CNTNAP5: variants seen among roughly 807,000 people sequenced by gnomAD.
CNTNAP5 encodes contactin associated protein family member 5.
CNTNAP5 carries 72 observed loss-of-function variants against 150.2 expected under a neutral mutation model. That is an observed-to-expected ratio of 0.48 (90% CI 0.40 to 0.58). The LOEUF is 0.58. CNTNAP5 is among the 20% of genes least tolerant of loss of function. CNTNAP5 has a pLI of 0.00. For synonymous variants in CNTNAP5, 672 were observed against 619.8 expected (o/e 1.08, Z -1.25); for missense variants, 1,636 against 1,626.2 (o/e 1.01, Z -0.10).
intron 14 of CNTNAP5, among the ~76,000 whole-genome samples, chr2:124,749,996 GT>G (rs540007565): frequency 7.6e-4 from 116 of 152,192 alleles, no homozygotes; most frequent in Middle Eastern, 6.8e-3. Flanking sequence ...CTTGCTCAAT[GT>G]TTCACTCTGA....
At chr2:124,171,519 C>G (rs1339758858) in intron 1 of CNTNAP5, among the ~76,000 whole-genome samples, 2 of 152,172 alleles carry the variant, frequency 1.3e-5, no homozygotes, top group African/African-American at 4.8e-5. Context: ...CAGCCATCAC[C>G]AGAGTCCTTG....
At chr2:124,191,686 C>G (rs931463846) in intron 1 of CNTNAP5, among the ~76,000 whole-genome samples, 1 of 152,016 alleles carries the variant, frequency 6.6e-6, no homozygotes, top group African/African-American at 2.4e-5. Flanking sequence ...GAGGCCCAGG[C>G]AGGTGGATCA....
chr2:124,479,812 C>T (rs939434901), intron 7 of CNTNAP5, among the ~76,000 whole-genome samples: 1 of 152,134 alleles, frequency 6.6e-6, no homozygotes, highest in Non-Finnish European at 1.5e-5. Flanking sequence ...TGTTCATCCC[C>T]ACTCCATGGC....
chr2:124,452,725 C>T (rs1693017091), intron 6 of CNTNAP5, among the ~76,000 whole-genome samples: 2 of 152,256 alleles, frequency 1.3e-5, no homozygotes, highest in Admixed American at 6.5e-5. Context: ...CCCGCAGTAC[C>T]AGCACAGAGC....
chr2:124,630,116 T>C (rs1275077823), intron 12 of CNTNAP5, among the ~76,000 whole-genome samples: 4 of 151,490 alleles, frequency 2.6e-5, no homozygotes, highest in South Asian at 4.2e-4. Flanking sequence ...CAAGTCCAGA[T>C]AGATTTATAG....
intron 13 of CNTNAP5, among the ~76,000 whole-genome samples, chr2:124,674,509 CTCTTTCTTTCTTTCTTTCTTTCTT>C (rs768888927): frequency 1.7e-5 from 2 of 115,366 alleles, no homozygotes; most frequent in African/African-American, 6.3e-5. Context: ...TTCTTTCTTT[CTCTTTCTTTCTTTCTTTCTTTCTT>C]TCTTTCTTTC....
intron 10 of CNTNAP5, among the ~76,000 whole-genome samples, chr2:124,536,769 G>C (rs1003571539): frequency 4.6e-5 from 7 of 152,062 alleles, no homozygotes; most frequent in Non-Finnish European, 1.0e-4. Flanking sequence ...TTGGATTTAC[G>C]GGGGTCAAGG....
At chr2:124,036,148 T>A (rs1681212693) in intron 1 of CNTNAP5, among the ~76,000 whole-genome samples, 1 of 151,430 alleles carries the variant, frequency 6.6e-6, no homozygotes, top group Non-Finnish European at 1.5e-5. Flanking sequence ...ATGGTCTCGA[T>A]CTCCTGACCT....
intron 13 of CNTNAP5, among the ~76,000 whole-genome samples, chr2:124,721,540 GA>G (rs922174374): frequency 1.9e-4 from 25 of 132,010 alleles, no homozygotes; most frequent in East Asian, 4.6e-4. Flanking sequence ...AAACAAAAAA[GA>G]AAAAAAATTA....
At chr2:124,533,439 T>C (rs890163051) in intron 10 of CNTNAP5, among the ~76,000 whole-genome samples, 4 of 152,206 alleles carry the variant, frequency 2.6e-5, no homozygotes, top group Non-Finnish European at 5.9e-5. Context: ...GCTGGCCTGG[T>C]GGCCGTACTC....
At chr2:124,076,094 G>A (rs986042477) in intron 1 of CNTNAP5, among the ~76,000 whole-genome samples, 1 of 152,132 alleles carries the variant, frequency 6.6e-6, no homozygotes, top group African/African-American at 2.4e-5. Context: ...TATGTATTAA[G>A]TGGTAAAGGC....
At chr2:124,695,808 C>T (rs1410326058) in intron 13 of CNTNAP5, among the ~76,000 whole-genome samples, 1 of 152,168 alleles carries the variant, frequency 6.6e-6, no homozygotes, top group Non-Finnish European at 1.5e-5. Flanking sequence ...AGAAGCATCA[C>T]TCTGTTGTCT....
At chr2:124,602,755 A>C (rs1364546722) in intron 11 of CNTNAP5, among the ~76,000 whole-genome samples, 1 of 152,158 alleles carries the variant, frequency 6.6e-6, no homozygotes, top group Non-Finnish European at 1.5e-5. Context: ...AGCCTCCCAA[A>C]ATGTTGGAAT....
At chr2:124,386,070 G>A (rs1309533384) in intron 3 of CNTNAP5, among the ~76,000 whole-genome samples, 1 of 152,154 alleles carries the variant, frequency 6.6e-6, no homozygotes, top group Admixed American at 6.5e-5. Flanking sequence ...TGTACAGTCA[G>A]TTAACCTTGT....
At chr2:124,507,677 A>G (rs575702714) in intron 8 of CNTNAP5, among the ~76,000 whole-genome samples, 7 of 152,344 alleles carry the variant, frequency 4.6e-5, no homozygotes, top group African/African-American at 1.7e-4. Context: ...CGATCCATAC[A>G]AGGGAGAGCC....
At chr2:124,542,725 T>C (rs1695416185) in intron 10 of CNTNAP5, among the ~76,000 whole-genome samples, 1 of 152,184 alleles carries the variant, frequency 6.6e-6, no homozygotes, top group Non-Finnish European at 1.5e-5. Flanking sequence ...ACCATAGTCA[T>C]GACTGGTTTT....
chr2:124,306,564 G>A (rs556788752), intron 3 of CNTNAP5, among the ~76,000 whole-genome samples: 1 of 152,218 alleles, frequency 6.6e-6, no homozygotes, highest in East Asian at 1.9e-4. Flanking sequence ...CACACAGATG[G>A]CATGAGCTAA....
chr2:124,875,343 A>G (rs1274240018), intron 21 of CNTNAP5, among the ~76,000 whole-genome samples: 4 of 151,996 alleles, frequency 2.6e-5, no homozygotes, highest in Non-Finnish European at 1.5e-5. Context: ...TTCCTTTTTG[A>G]TTTTGGACAC....
intron 1 of CNTNAP5, among the ~76,000 whole-genome samples, chr2:124,050,517 TAGAAAG>T (rs1226830066): frequency 6.6e-6 from 1 of 152,004 alleles, no homozygotes; most frequent in Non-Finnish European, 1.5e-5. Context: ...AGCAAGATCT[TAGAAAG>T]AGAAAGGAAG....
Sources: allele counts gnomAD v4.1 joint callset (sites outside exome capture counted in the v4.1 genomes callset), GRCh38; gene constraint gnomAD v4.1.1; transcripts MANE v1.5; gene names NCBI Gene and HGNC (gene_info 2026-07-23, HGNC 2026-07-21).